The following BCAP29 variants were observed in gnomAD, a reference collection of about 807,000 sequenced individuals.
BCAP29 encodes the protein B cell receptor associated protein 29.
In BCAP29, 34 loss-of-function variants were observed where a neutral mutation model predicts 31.8. The ratio of observed to expected loss-of-function variants is 1.07; its 90% CI spans 0.81 to 1.42. BCAP29 has a LOEUF of 1.42. Ranked by LOEUF, BCAP29 falls within the 40% of genes most tolerant of loss-of-function variation. The probability of loss-of-function intolerance (pLI) is 0.00; values close to 1 mark genes in which losing one functional copy is unlikely to be tolerated. For synonymous variants in BCAP29, 104 were observed against 91.3 expected, an observed-to-expected ratio of 1.14 and a Z score of -0.79; for missense variants, 314 against 269.2, an observed-to-expected ratio of 1.17 and a Z score of -1.16.
At chr7:107,616,398 A>C (rs1361897188) in intron 7 of BCAP29, 3 of 152,058 alleles carry the variant, frequency 2.0e-5, no homozygotes, top group Non-Finnish European at 2.9e-5. Context: ...TGGTGTGTGT[A>C]CTTTTTCATC....
intron 6 of BCAP29, among the ~76,000 whole-genome samples, chr7:107,610,122 C>T (rs1812865689): frequency 6.6e-6 from 1 of 152,190 alleles, no homozygotes; most frequent in Non-Finnish European, 1.5e-5. Context: ...AATGTTTTTG[C>T]TTACTATGTG....
At chr7:107,610,903 C>T (rs1435254603) in intron 6 of BCAP29, among the ~76,000 whole-genome samples, 1 of 152,240 alleles carries the variant, frequency 6.6e-6, no homozygotes, top group South Asian at 2.1e-4. Flanking sequence ...ATTACAAGCA[C>T]CTGACCAACT....
intron 2 of BCAP29, 26 bp from the exon 3 acceptor site, chr7:107,583,856 C>T: frequency 1.7e-6 from 2 of 1,207,182 alleles, no homozygotes; most frequent in Non-Finnish European, 2.3e-6. Flanking sequence ...TTTTTTTATA[C>T]CTAATATAAT....
chr7:107,585,180 T>C (rs1332302057), intron 3 of BCAP29, among the ~76,000 whole-genome samples: 1 of 152,178 alleles, frequency 6.6e-6, no homozygotes, highest in Admixed American at 6.5e-5. Flanking sequence ...GTTGGTTAAA[T>C]AGGATTTAGA....
chr7:107,580,759 G>A lies in BCAP29; in HGVS notation c.-14G>A, dbSNP rs199849251. 2.5e-5 allele frequency: 39 copies of A among 1,579,756 alleles called. No individual in the cohort carries two copies. The highest frequency in any genetic ancestry group is 3.1e-5 in the Non-Finnish European group (36 of 1,160,834). ...AGAAAATAAGTGTTTTTCCATTTAGGTGTGAAGAAAAAAATGACACTCCAA... is the reference window on the plus strand; with the variant it reads ...AGAAAATAAGTGTTTTTCCATTTAGATGTGAAGAAAAAAATGACACTCCAA... On this transcript the variant is annotated splice_region_variant and 5_prime_UTR_variant, in exon 2 of 8. It adds an upstream start codon to the 5' untranslated region. Coordinates refer to ENST00000005259, the MANE Select transcript of BCAP29 (RefSeq NM_018844.4).
intron 2 of BCAP29, among the ~76,000 whole-genome samples, chr7:107,581,135 C>CT (rs1461488033): frequency 6.6e-6 from 1 of 152,194 alleles, no homozygotes; most frequent in Non-Finnish European, 1.5e-5. Context: ...AACGATTATA[C>CT]TTTTAACACC....
chr7:107,616,327 C>G (rs1814139062), intron 7 of BCAP29: 2 of 152,416 alleles, frequency 1.3e-5, no homozygotes, highest in South Asian at 2.1e-4. Flanking sequence ...TCCCTCCAGC[C>G]CAAGAAGTGG....
At chr7:107,603,671 T>C (rs1811582062) in intron 6 of BCAP29, among the ~76,000 whole-genome samples, 1 of 149,170 alleles carries the variant, frequency 6.7e-6, no homozygotes, top group Non-Finnish European at 1.5e-5. Flanking sequence ...AGTGGTGCAG[T>C]CTTGGCTTAC....
At chr7:107,595,836 A>G (rs372183864) in intron 4 of BCAP29, 31 bp from the exon 5 acceptor site, 125 of 1,584,820 alleles carry the variant, frequency 7.9e-5, no homozygotes, top group Non-Finnish European at 1.0e-4. Context: ...GTGATTGGCC[A>G]GTAATACATT....
At chr7:107,599,332 TATATGCACAC>T (rs1810702860) in intron 5 of BCAP29, among the ~76,000 whole-genome samples, 1 of 130,750 alleles carries the variant, frequency 7.6e-6, no homozygotes, top group African/African-American at 2.9e-5. Context: ...TATAAATATA[TATATGCACAC>T]ATATATATAT....
chr7:107,613,400 G>A lies in BCAP29; in HGVS notation c.658G>A (p.Asp220Asn). ...MQSERLSKEY[D>N]QLLKEHSELQ... is the part of the protein sequence containing the mutation. ...GTCAGAGAGACTTTCGAAAGAATATGATCAACTCCTGAAAGAACACTCTGA... is the reference window on the plus strand; with the variant it reads ...GTCAGAGAGACTTTCGAAAGAATATAATCAACTCCTGAAAGAACACTCTGA... Residue 220 changes from aspartate to asparagine, a missense_variant, in exon 7 of 8, where the codon GAT (aspartate) becomes AAT (asparagine). Physicochemically the swap from Asp to Asn is conservative, Grantham distance 23. Coordinates refer to ENST00000005259, the MANE Select transcript of BCAP29 (RefSeq NM_018844.4). 13 of 1,612,362 alleles carry A rather than the reference G, an allele frequency of 8.1e-6. No individual in the cohort carries two copies. The highest frequency in any genetic ancestry group is 1.1e-5 in the Non-Finnish European group (13 of 1,178,590).
chr7:107,585,809 G>A (rs906191497), intron 3 of BCAP29, among the ~76,000 whole-genome samples: 1 of 152,114 alleles, frequency 6.6e-6, no homozygotes, highest in African/African-American at 2.4e-5. Context: ...TGGCCAACGT[G>A]GTGAAACCCT....
At chr7:107,597,084 A>G (rs930512934) in intron 5 of BCAP29, among the ~76,000 whole-genome samples, 5 of 152,236 alleles carry the variant, frequency 3.3e-5, no homozygotes, top group Non-Finnish European at 7.3e-5. Context: ...AGCAGCTGTC[A>G]GTGCCCAGAG....
chr7:107,613,325 T>C lies in BCAP29; in HGVS notation c.590-7T>C, dbSNP rs997785174. ...AAATAAAAATAAAACTATTCGATAT[T>C]TTCTAGCCCTTTCTAAGGCACAAAA... On this transcript the variant is annotated splice_region_variant and splice_polypyrimidine_tract_variant and intron_variant, in intron 6 of 7. Transcript: ENST00000005259. The C allele has an allele frequency of 1.3e-6, 2 of 1,584,624 alleles. No homozygotes were observed. Among genetic ancestry groups the C allele is most frequent in the Non-Finnish European group, 1.7e-6 (2 of 1,159,530 alleles).
rs891633515 is a variant in BCAP29 at position 107,618,573 on chromosome 7, A to C, written c.*210A>C. ...CTGTATTCCAGCTCTTAAGAAAAAT[A>C]TAAGCATGTTAAATACCATATTTAC... On this transcript the variant is annotated 3_prime_UTR_variant, in exon 8 of 8. Transcript: ENST00000005259. 1.9e-6 allele frequency: 3 copies of C among 1,596,382 alleles called. No individual in the cohort carries two copies. The highest frequency in any genetic ancestry group is 2.6e-6 in the Non-Finnish European group (3 of 1,165,934).
intron 3 of BCAP29, among the ~76,000 whole-genome samples, chr7:107,586,998 T>C (rs931122913): frequency 6.6e-6 from 1 of 152,156 alleles, no homozygotes; most frequent in African/African-American, 2.4e-5. Flanking sequence ...CCCAAAGTGC[T>C]GGGATTACAG....
At chr7:107,622,994 G>A (rs1815098988), downstream of BCAP29, 1 of 151,926 alleles carries the variant, frequency 6.6e-6, no homozygotes, top group African/African-American at 2.4e-5. Context: ...CCATCTCCTT[G>A]TATGTAAGTG....
At position 107,618,408 on chromosome 7, in the gene BCAP29, T is replaced by C. The variant is rs910990658; in HGVS notation, c.*45T>C. 2 of 1,612,290 alleles carry C rather than the reference T, an allele frequency of 1.2e-6. No individual in the cohort carries two copies. Among genetic ancestry groups the C allele is most frequent in the Non-Finnish European group, 1.7e-6 (2 of 1,178,784 alleles). The stretch of plus-strand genomic sequence containing the variant: ...CAATATACTGTGTCAAAATGATAAT[T>C]TTGTTATGTTAGCCTCTAGAAAATT... On this transcript the variant is annotated 3_prime_UTR_variant, in exon 8 of 8. Coordinates refer to ENST00000005259, the MANE Select transcript of BCAP29 (RefSeq NM_018844.4).
chr7:107,611,097 C>T (rs1813038540), intron 6 of BCAP29, among the ~76,000 whole-genome samples: 1 of 152,140 alleles, frequency 6.6e-6, no homozygotes, highest in South Asian at 2.1e-4. Flanking sequence ...AAGGGAAAGG[C>T]AGCTCTCTGG....
Sources: gnomAD v4.1 joint callset for allele counts (sites outside exome capture counted in the v4.1 genomes callset) on GRCh38, gnomAD v4.1.1 for gene constraint, MANE v1.5 for transcripts, NCBI Gene and HGNC (gene_info 2026-07-23, HGNC 2026-07-21) for gene names.